CADM2: variants seen among roughly 807,000 people sequenced by gnomAD.
The protein encoded by CADM2 is immunoglobulin superfamily member 4D.
CADM2 carries 12 observed loss-of-function variants against 49.8 expected under a neutral mutation model. That is an observed-to-expected ratio of 0.24 (90% CI 0.15 to 0.39). The LOEUF (loss-of-function observed/expected upper bound fraction) is 0.39, where lower values mean the gene tolerates loss of function less well. Ranked by LOEUF, CADM2 falls within the 10% of genes least tolerant of loss-of-function variation. The probability of loss-of-function intolerance (pLI) is 1.00; values close to 1 mark genes in which losing one functional copy is unlikely to be tolerated. For synonymous variants in CADM2, 214 were observed against 175.4 expected, an observed-to-expected ratio of 1.22 and a Z score of -1.74; for missense variants, 378 against 492.3, an observed-to-expected ratio of 0.77 and a Z score of 2.20.
intron 7 of CADM2, among the ~76,000 whole-genome samples, chr3:85,946,474 C>G (rs572708817): frequency 6.6e-6 from 1 of 151,750 alleles, no homozygotes; most frequent in Non-Finnish European, 1.5e-5. Flanking sequence ...ATCGCCAAGT[C>G]AAGCCAAAAG....
chr3:85,944,975 C>T lies in CADM2; in HGVS notation c.791+9118C>T, dbSNP rs376757876. Among the ~76,000 whole-genome samples, 33 of 151,808 alleles carry T rather than the reference C, an allele frequency of 2.2e-4. No individual in the cohort carries two copies. In the East Asian group the frequency reaches 4.9e-3, roughly 22 times the overall value. On this transcript the variant is annotated intron_variant, in intron 7 of 9. Coordinates refer to ENST00000383699, the MANE Select transcript of CADM2 (RefSeq NM_001167675.2). ...AGACACAAAAAACCCTTCAAAAAAT[C>T]GGTGAATCCAGGAGCTGGTTTTTTC...
chr3:85,359,666 A>ATTTTTTTTTTTTT (rs869151718), intron 1 of CADM2, among the ~76,000 whole-genome samples: 5 of 26,556 alleles, frequency 1.9e-4, no homozygotes, highest in East Asian at 1.3e-3. Context: ...ATATATATAT[A>ATTTTTTTTTTTTT]TTTTTTTTTT....
chr3:85,076,303 T>TGTG (rs2036938451), intron 1 of CADM2, among the ~76,000 whole-genome samples: 3 of 139,256 alleles, frequency 2.2e-5, no homozygotes. Context: ...AAAAAAGAAA[T>TGTG]TGTGTGTGTG....
chr3:85,959,837 A>G (rs568612523), intron 7 of CADM2, among the ~76,000 whole-genome samples: 1 of 152,072 alleles, frequency 6.6e-6, no homozygotes, highest in Admixed American at 6.6e-5. Context: ...AGGCTGTGCC[A>G]TCTAGGTTTG....
chr3:85,742,623 T>C (rs932488322), intron 2 of CADM2, among the ~76,000 whole-genome samples: 1 of 152,214 alleles, frequency 6.6e-6, no homozygotes, highest in Non-Finnish European at 1.5e-5. Flanking sequence ...AATCATGAAA[T>C]ATAATTTTGC....
intron 1 of CADM2, among the ~76,000 whole-genome samples, chr3:85,006,539 A>G (rs1262075942): frequency 6.6e-6 from 1 of 152,176 alleles, no homozygotes; most frequent in Non-Finnish European, 1.5e-5. Flanking sequence ...CTAGAATGCA[A>G]TTCTTATACC....
At chr3:85,375,488 G>T (rs1360947833) in intron 1 of CADM2, among the ~76,000 whole-genome samples, 1 of 152,154 alleles carries the variant, frequency 6.6e-6, no homozygotes, top group African/African-American at 2.4e-5. Flanking sequence ...AAATTTTGAT[G>T]CAGTAATTTC....
chr3:85,230,277 C>T (rs193241732), intron 1 of CADM2, among the ~76,000 whole-genome samples: 46 of 152,204 alleles, frequency 3.0e-4, no homozygotes, highest in Non-Finnish European at 3.7e-4. Flanking sequence ...GATGTGGATT[C>T]CTACATTATC....
At chr3:85,239,025 T>G (rs1021967544) in intron 1 of CADM2, among the ~76,000 whole-genome samples, 6 of 151,802 alleles carry the variant, frequency 4.0e-5, no homozygotes, top group Non-Finnish European at 8.8e-5. Flanking sequence ...ATTAGTGTCC[T>G]GTGGGTAAGT....
intron 1 of CADM2, among the ~76,000 whole-genome samples, chr3:85,692,929 G>C (rs1306630403): frequency 6.6e-6 from 1 of 152,032 alleles, no homozygotes; most frequent in East Asian, 1.9e-4. Context: ...GAACTCCAAA[G>C]AAAGAAAAAT....
At chr3:85,560,558 GAAGGACTGAA>G (rs1465366114) in intron 1 of CADM2, among the ~76,000 whole-genome samples, 2 of 152,228 alleles carry the variant, frequency 1.3e-5, no homozygotes, top group Non-Finnish European at 2.9e-5. Context: ...GAGGAAGTTG[GAAGGACTGAA>G]AAGTCAACGC....
intron 2 of CADM2, among the ~76,000 whole-genome samples, chr3:85,736,031 G>T (rs945412660): frequency 6.6e-6 from 1 of 152,080 alleles, no homozygotes; most frequent in African/African-American, 2.4e-5. Flanking sequence ...AGTATAGCTA[G>T]AGAAGAAAGC....
At chr3:85,304,711 A>G (rs2044174452) in intron 1 of CADM2, among the ~76,000 whole-genome samples, 1 of 151,848 alleles carries the variant, frequency 6.6e-6, no homozygotes. Context: ...AGGCATACCA[A>G]TAGTTTAATT....
At chr3:85,532,010 T>C (rs1197079923) in intron 1 of CADM2, among the ~76,000 whole-genome samples, 1 of 152,086 alleles carries the variant, frequency 6.6e-6, no homozygotes, top group Non-Finnish European at 1.5e-5. Flanking sequence ...ACCCCGTCTA[T>C]ACTAACAATG....
chr3:85,604,144 C>T lies in CADM2; in HGVS notation c.62-122378C>T, dbSNP rs140802838. On this transcript the variant is annotated intron_variant, in intron 1 of 9. Transcript: ENST00000383699. ...ATAAATAATGTATTCTTTGTGTACA[C>T]ATAATTTACTTGATGTTTTACCTTT... Among the ~76,000 whole-genome samples, 679 of 151,986 alleles carry T rather than the reference C, an allele frequency of 4.5e-3. 3 individuals are homozygous for T. Among genetic ancestry groups the T allele is most frequent in the Middle Eastern group, 0.034 (10 of 294 alleles).
Position 85,370,252 on chromosome 3 carries a change from A to AATG in CADM2, c.62-356268_62-356267insGAT, listed in dbSNP as rs1456871177. 7.7e-4 allele frequency among the ~76,000 whole-genome samples: 113 copies of AATG among 147,088 alleles called. 1 individual carries two copies. The East Asian group carries it at 0.021, about 27-fold the overall frequency. On this transcript the variant is annotated intron_variant, in intron 1 of 9. Coordinates refer to ENST00000383699, the MANE Select transcript of CADM2 (RefSeq NM_001167675.2). ...TAATAATAATAATAATAATAATAAT[A>AATG]ATAATAAAATTTTAAAAAATAACTT...
At chr3:85,493,003 G>A (rs923788102) in intron 1 of CADM2, among the ~76,000 whole-genome samples, 1 of 152,060 alleles carries the variant, frequency 6.6e-6, no homozygotes, top group African/African-American at 2.4e-5. Flanking sequence ...TGTCAGTGAG[G>A]AAAGAGACCA....
chr3:85,269,259 A>G (rs1402039779), intron 1 of CADM2, among the ~76,000 whole-genome samples: 2 of 151,470 alleles, frequency 1.3e-5, no homozygotes, highest in African/African-American at 4.8e-5. Context: ...CAGAACACCA[A>G]ATGTCACGGA....
chr3:85,826,745 G>A (rs772003982), intron 3 of CADM2, among the ~76,000 whole-genome samples: 2 of 151,936 alleles, frequency 1.3e-5, no homozygotes, highest in Non-Finnish European at 2.9e-5. Flanking sequence ...TTCTCAGTGT[G>A]TGCTCCCTTT....
Sources: gnomAD v4.1 joint callset for allele counts (sites outside exome capture counted in the v4.1 genomes callset) on GRCh38, gnomAD v4.1.1 for gene constraint, MANE v1.5 for transcripts, NCBI Gene and HGNC (gene_info 2026-07-23, HGNC 2026-07-21) for gene names.